Variants in RPTOR observed in about 807,000 individuals in gnomAD.
RPTOR encodes the protein regulatory-associated protein of mTOR.
RPTOR carries 21 observed loss-of-function variants against 169.9 expected under a neutral mutation model. The ratio of observed to expected loss-of-function variants is 0.12; its 90% CI spans 0.09 to 0.18. The LOEUF is 0.18. Ranked by LOEUF, RPTOR falls within the 10% of genes least tolerant of loss-of-function variation. The probability of loss-of-function intolerance (pLI) is 1.00; values close to 1 mark genes in which losing one functional copy is unlikely to be tolerated. For synonymous variants in RPTOR, 732 were observed against 753.2 expected (o/e 0.97, Z 0.46); for missense variants, 1,133 against 1,855.9 (o/e 0.61, Z 7.16).
rs181037100 is a variant in RPTOR, at chr17:80,955,705, C to G, written c.3371-1919C>G. On this transcript the variant is annotated intron_variant, in intron 28 of 33. Coordinates refer to ENST00000306801, the MANE Select transcript of RPTOR (RefSeq NM_020761.3). ...AAAAAAAACGGCAAACACCACACAT[C>G]GATAAGGATTTGGGGACATTGGCTT... Among the ~76,000 whole-genome samples, 151 of 152,240 alleles carry G rather than the reference C, an allele frequency of 9.9e-4. 2 individuals carry two copies. The highest frequency in any genetic ancestry group is 6.2e-3 in the Admixed American group (95 of 15,296).
chr17:80,669,335 G>C (rs1159709961), intron 3 of RPTOR, among the ~76,000 whole-genome samples: 2 of 152,252 alleles, frequency 1.3e-5, no homozygotes, highest in African/African-American at 4.8e-5. Context: ...AATAGCACCA[G>C]TGGTTTCTGG....
In RPTOR at chr17:80,632,593, A is replaced by G. The variant is rs532984686; in HGVS notation, c.265+6800A>G. ...TTAGGAATATCGTCTACTTTCTAAT[A>G]ATTTCAAGTGAATTTTGAGTTTAGG... On this transcript the variant is annotated intron_variant, in intron 2 of 33. Transcript: ENST00000306801. Among the ~76,000 whole-genome samples the G allele has an allele frequency of 3.3e-5, 5 of 152,302 alleles. No individual in the cohort carries two copies. The South Asian group carries it at 1.0e-3, about 32-fold the overall frequency.
chr17:80,872,956 G>T (rs148548237), intron 13 of RPTOR, among the ~76,000 whole-genome samples: 91 of 152,340 alleles, frequency 6.0e-4, no homozygotes, highest in Non-Finnish European at 1.1e-3. Flanking sequence ...GGGATGGGGA[G>T]CCTGGTCAGC....
chr17:80,675,177 T>A (rs1419378101), intron 3 of RPTOR, among the ~76,000 whole-genome samples: 1 of 152,242 alleles, frequency 6.6e-6, no homozygotes, highest in Non-Finnish European at 1.5e-5. Context: ...CTGATTTGGA[T>A]GTCTGAAGTC....
chr17:80,730,732 G>A lies in RPTOR; in HGVS notation c.654+26G>A, dbSNP rs552375031. On this transcript the variant is annotated intron_variant, in intron 5 of 33. Coordinates refer to ENST00000306801, the MANE Select transcript of RPTOR (RefSeq NM_020761.3). The surrounding 1 kb of genome is among the most constrained non-coding windows in gnomAD (Gnocchi z 4.2). ...GTGAGCGCTCTGGTGCTTGGAGAGC[G>A]GTGCTGGGTTTGGTTTTGTTTTCCC... 1.7e-5 allele frequency: 28 copies of A among 1,600,898 alleles called. No homozygotes were observed. Among genetic ancestry groups the A allele is most frequent in the Admixed American group, 1.7e-4 (10 of 59,836 alleles).
intron 4 of RPTOR, among the ~76,000 whole-genome samples, chr17:80,722,444 G>A (rs1034089886): frequency 6.6e-6 from 1 of 150,880 alleles, no homozygotes; most frequent in South Asian, 2.1e-4. Context: ...TTAAGGGGAG[G>A]GTGGAAGGGA....
chr17:80,795,435 G>C (rs1347450529), intron 7 of RPTOR, among the ~76,000 whole-genome samples: 1 of 152,112 alleles, frequency 6.6e-6, no homozygotes, highest in African/African-American at 2.4e-5. Flanking sequence ...TCCCTCCCCA[G>C]CACCAAAGGC....
At chr17:80,851,647 G>A (rs192855232) in intron 11 of RPTOR, among the ~76,000 whole-genome samples, 13 of 152,354 alleles carry the variant, frequency 8.5e-5, no homozygotes, top group South Asian at 6.2e-4. Context: ...AGGCCCCCGC[G>A]TGTGTTTCAT....
intron 1 of RPTOR, among the ~76,000 whole-genome samples, chr17:80,594,152 GGT>G (rs2065127515): frequency 1.3e-5 from 2 of 152,038 alleles, no homozygotes; most frequent in African/African-American, 4.8e-5. Context: ...GCAGTGCAGT[GGT>G]GCGATCTCGG....
chr17:80,641,821 T>A (rs2065556874), intron 2 of RPTOR, among the ~76,000 whole-genome samples: 1 of 152,200 alleles, frequency 6.6e-6, no homozygotes, highest in South Asian at 2.1e-4. Context: ...GGAGGGGTGG[T>A]TGCTGAAGGT....
In RPTOR at chr17:80,621,049, C is replaced by A. The variant is rs137950198; in HGVS notation, c.163-4642C>A. 6.6e-3 allele frequency among the ~76,000 whole-genome samples: 998 copies of A among 152,252 alleles called. 11 individuals carry two copies. The highest frequency in any genetic ancestry group is 0.023 in the African/African-American group (943 of 41,524). ...CAAGATGAATGAAATTAATTTATTT[C>A]TTGTCTTCATTCTTGTCTTTGTATA... On this transcript the variant is annotated intron_variant, in intron 1 of 33. Coordinates refer to ENST00000306801, the MANE Select transcript of RPTOR (RefSeq NM_020761.3).
chr17:80,954,210 C>A (rs1384950958), intron 28 of RPTOR, among the ~76,000 whole-genome samples: 1 of 152,102 alleles, frequency 6.6e-6, no homozygotes, highest in African/African-American at 2.4e-5. Context: ...CAACCTCCAC[C>A]TCTCAGGTTC....
At chr17:80,590,304 G>A (rs7217892) in intron 1 of RPTOR, among the ~76,000 whole-genome samples, 8,268 of 147,570 alleles carry the variant, frequency 0.056, 714 homozygotes, top group African/African-American at 0.2. Flanking sequence ...TGGTTGGGCC[G>A]TGTGTTAGCA....
chr17:80,743,991 A>ACTAGCAC lies in RPTOR; in HGVS notation c.655-10019_655-10018insCTAGCAC, dbSNP rs1289617195. On this transcript the variant is annotated intron_variant, in intron 5 of 33. Coordinates refer to ENST00000306801, the MANE Select transcript of RPTOR (RefSeq NM_020761.3). ...CCTGGCTACTAGCACTGTCCTGGTT[A>ACTAGCAC]TGAGCACAGCCCTGGTTACTAGCAC... Among the ~76,000 whole-genome samples the ACTAGCAC allele has an allele frequency of 1.7e-4, 5 of 29,660 alleles. 2 individuals carry two copies. The highest frequency in any genetic ancestry group is 2.7e-4 in the Non-Finnish European group (3 of 11,104). 19.5% of individuals were successfully genotyped at this position (29,660 alleles called of 152,430 possible). A position where few individuals can be genotyped will look rare whatever the true frequency, so the allele number is the denominator to read the frequency against.
rs2065257101 is a variant in RPTOR, at chr17:80,609,774, T to C, written c.163-15917T>C. Among the ~76,000 whole-genome samples, 2 of 45,562 alleles carry C rather than the reference T, an allele frequency of 4.4e-5. No homozygotes were observed. Among genetic ancestry groups the C allele is most frequent in the East Asian group, 2.9e-4 (1 of 3,458 alleles). The allele number at this position is 45,562 out of a possible 152,430, so 29.9% of individuals were successfully genotyped here. A position where few individuals can be genotyped will look rare whatever the true frequency, so the allele number is the denominator to read the frequency against. On this transcript the variant is annotated intron_variant, in intron 1 of 33. Coordinates refer to ENST00000306801, the MANE Select transcript of RPTOR (RefSeq NM_020761.3). The surrounding 1 kb of genome is among the most constrained non-coding windows in gnomAD (Gnocchi z 4.8). Reference sequence around the variant, plus strand: ...AAAAAAAAAAGTTTAAGGTGTTGGTTGTGTGTGTGTGTGTGTGTGTGTGTG... The same window carrying C: ...AAAAAAAAAAGTTTAAGGTGTTGGTCGTGTGTGTGTGTGTGTGTGTGTGTG...
chr17:80,763,413 T>C (rs1456197887), intron 6 of RPTOR, among the ~76,000 whole-genome samples: 1 of 152,114 alleles, frequency 6.6e-6, no homozygotes, highest in Admixed American at 6.5e-5. Context: ...AAAAATGTTG[T>C]ATTGTGGTAA....
intron 3 of RPTOR, among the ~76,000 whole-genome samples, chr17:80,660,270 C>CA (rs35167825): frequency 0.075 from 7,702 of 102,942 alleles, 258 homozygotes; most frequent in Non-Finnish European, 0.11. Context: ...GACTGTGTCT[C>CA]AAAAAAAAAA....
chr17:80,891,716 G>T lies in RPTOR; in HGVS notation c.1984-4G>T, dbSNP rs755722604. On this transcript the variant is annotated splice_polypyrimidine_tract_variant and splice_region_variant and intron_variant, in intron 17 of 33. Coordinates refer to ENST00000306801, the MANE Select transcript of RPTOR (RefSeq NM_020761.3). ...CTGTTATTGTCCCTTCTCCCTCTCGGCAGGAGCTGGTGGTGGCTCTGAGTC... is the reference window on the plus strand; with the variant it reads ...CTGTTATTGTCCCTTCTCCCTCTCGTCAGGAGCTGGTGGTGGCTCTGAGTC... 5 of 1,601,222 alleles carry T rather than the reference G, an allele frequency of 3.1e-6. No homozygotes were observed. The highest frequency in any genetic ancestry group is 4.3e-6 in the Non-Finnish European group (5 of 1,169,202).
chr17:80,928,245 TA>T (rs112401140), intron 24 of RPTOR, among the ~76,000 whole-genome samples: 50 of 150,720 alleles, frequency 3.3e-4, no homozygotes, highest in African/African-American at 1.2e-3. Context: ...TTCTCTTGTT[TA>T]AAAAAAAAAT....
Sources: allele counts gnomAD v4.1 joint callset (sites outside exome capture counted in the v4.1 genomes callset), GRCh38; gene constraint gnomAD v4.1.1; non-coding constraint Gnocchi (gnomAD v3.1); transcripts MANE v1.5; gene names NCBI Gene and HGNC (gene_info 2026-07-23, HGNC 2026-07-21).